The following XRN1 variants were observed in gnomAD, a reference collection of about 807,000 sequenced individuals.
XRN1 encodes strand-exchange protein 1 homolog.
XRN1 carries 67 observed loss-of-function variants against 222.3 expected under a neutral mutation model. That is an observed-to-expected ratio of 0.30 (90% CI 0.25 to 0.37). The LOEUF is 0.37. Ranked by LOEUF, XRN1 falls within the 10% of genes least tolerant of loss-of-function variation. XRN1 has a pLI of 1.00. For missense variants in XRN1, 1,707 were observed against 2,000.2 expected (o/e 0.85, Z 2.80); for synonymous variants, 643 against 652.4 (o/e 0.99, Z 0.22).
chr3:142,414,738 G>A (rs1287137906), intron 13 of XRN1, among the ~76,000 whole-genome samples: 5 of 152,040 alleles, frequency 3.3e-5, no homozygotes, highest in East Asian at 1.9e-4. Flanking sequence ...CTCGTGATCC[G>A]CCCGCCTCGG....
chr3:142,381,562 GCTTT>G (rs1173636653), intron 22 of XRN1, among the ~76,000 whole-genome samples: 1 of 97,264 alleles, frequency 1.0e-5, no homozygotes, highest in Non-Finnish European at 2.1e-5. Context: ...TTAAGTTATT[GCTTT>G]TTTTTTTTTT....
At chr3:142,376,818 G>A (rs2067157286) in intron 23 of XRN1, among the ~76,000 whole-genome samples, 1 of 152,072 alleles carries the variant, frequency 6.6e-6, no homozygotes. Flanking sequence ...AATTCCCAAG[G>A]ATGGATAAAA....
At chr3:142,371,163 T>C (rs1475791366) in intron 26 of XRN1, 76 bp downstream of exon 26, 1 of 1,216,792 alleles carries the variant, frequency 8.2e-7, no homozygotes, top group Non-Finnish European at 1.2e-6. Flanking sequence ...ATGAAATTCT[T>C]GAGAAACCAG....
chr3:142,432,113 TATATAA>T (rs1406751225), intron 2 of XRN1, among the ~76,000 whole-genome samples: 1 of 111,900 alleles, frequency 8.9e-6, no homozygotes, highest in African/African-American at 3.7e-5. Flanking sequence ...TATATATAAA[TATATAA>T]ATATATTTTC....
chr3:142,371,185 A>T, intron 26 of XRN1, 54 bp downstream of exon 26: 1 of 1,427,550 alleles, frequency 7.0e-7, no homozygotes, highest in Non-Finnish European at 9.7e-7. Context: ...TGCAGTTGTC[A>T]TTGAAAACAC....
intron 29 of XRN1, among the ~76,000 whole-genome samples, chr3:142,360,999 G>A (rs2066613030): frequency 6.6e-6 from 1 of 151,714 alleles, no homozygotes; most frequent in Non-Finnish European, 1.5e-5. Flanking sequence ...TAACCATAAA[G>A]CCATGATAAA....
At chr3:142,435,681 T>C (rs1229435117) in intron 1 of XRN1, among the ~76,000 whole-genome samples, 2 of 143,122 alleles carry the variant, frequency 1.4e-5, no homozygotes, top group African/African-American at 5.3e-5. Context: ...CGCTTGCACC[T>C]GGGAGGTGGA....
In XRN1 at chr3:142,357,117, C is replaced by T; in HGVS notation, c.3467G>A (p.Cys1156Tyr). ...EEFPGGLTIR[C>Y]SPGRGYRLPT... ...CAGTCGATAACCTCTACCAGGTGAG[C>T]ATCTAAAAGTAAAAGTTATATCAGG... Residue 1156 changes from cysteine to tyrosine, a missense_variant and splice_region_variant, in exon 31 of 41, where the codon TGC (cysteine) becomes TAC (tyrosine). Physicochemically the swap from Cys to Tyr is radical, Grantham distance 194 (BLOSUM62 -2). Coordinates refer to ENST00000392981, the MANE Select transcript of XRN1 (RefSeq NM_001282857.2). 6.2e-7 allele frequency: 1 copy of T among 1,605,662 alleles called. No individual in the cohort carries two copies. The highest frequency in any genetic ancestry group is 8.5e-7 in the Non-Finnish European group (1 of 1,175,618).
At chr3:142,412,448 C>T (rs766827525) in intron 15 of XRN1, 96 bp downstream of exon 15, 1 of 1,370,384 alleles carries the variant, frequency 7.3e-7, no homozygotes, top group Non-Finnish European at 9.5e-7. Context: ...ATTAACAAAA[C>T]ATAAATGGTG....
At chr3:142,333,774 A>G (rs1485393) in intron 34 of XRN1, among the ~76,000 whole-genome samples, 59,755 of 151,982 alleles carry the variant, frequency 0.39, 11,741 homozygotes, top group Middle Eastern at 0.48. Flanking sequence ...TCTCTCCATC[A>G]TGTTAGAATA....
At chr3:142,375,735 G>C in intron 25 of XRN1, 63 bp downstream of exon 25, 4 of 1,454,082 alleles carry the variant, frequency 2.8e-6, no homozygotes, top group South Asian at 1.4e-5. Context: ...TATCAGGAAG[G>C]CAAAATAAAC....
At chr3:142,427,123 A>C (rs1358726871) in intron 2 of XRN1, among the ~76,000 whole-genome samples, 1 of 152,128 alleles carries the variant, frequency 6.6e-6, no homozygotes, top group Non-Finnish European at 1.5e-5. Flanking sequence ...TGAGTCTAGG[A>C]GTTCAAGACC....
Position 142,447,838 on chromosome 3 carries a change from GC to G in XRN1, c.75+31del, listed in dbSNP as rs762529262. 1 of 1,611,994 alleles carries G rather than the reference GC, an allele frequency of 6.2e-7. No individual in the cohort carries two copies. Among genetic ancestry groups the G allele is most frequent in the Non-Finnish European group, 8.5e-7 (1 of 1,179,426 alleles). On this transcript the variant is annotated intron_variant, in intron 1 of 40. Transcript: ENST00000392981. This position sits in a 1 kb window ranked among gnomAD's most constrained non-coding sequence, Gnocchi z 4.2. ...AGGGCCGCGGAGCCCCGGGTCCTCG[GC>G]TTTCTGAGCCGTTGCCCCTCGCTCA...
intron 36 of XRN1, among the ~76,000 whole-genome samples, chr3:142,332,090 A>G (rs2065714848): frequency 6.6e-6 from 1 of 152,068 alleles, no homozygotes; most frequent in South Asian, 2.1e-4. Flanking sequence ...TTATTATATA[A>G]CTGAAACAAA....
chr3:142,376,176 T>C, intron 24 of XRN1: 1 of 743,464 alleles, frequency 1.3e-6, no homozygotes, highest in Non-Finnish European at 2.0e-6. Context: ...AAATAAATTA[T>C]GTAATTATAG....
chr3:142,431,244 A>T (rs541900705), intron 2 of XRN1, among the ~76,000 whole-genome samples: 1 of 152,346 alleles, frequency 6.6e-6, no homozygotes, highest in African/African-American at 2.4e-5. Flanking sequence ...CAAAAGTGTG[A>T]CTTTATAAGC....
At position 142,306,732 on chromosome 3, in the gene XRN1, T is replaced by C. The variant is rs2064972917; in HGVS notation, c.*4779A>G. 1 of 152,648 alleles carries C rather than the reference T, an allele frequency of 6.6e-6. No individual in the cohort carries two copies. The allele number at this position is 152,648 out of a possible 1,614,324, so 9.5% of individuals were successfully genotyped here. A position where few individuals can be genotyped will look rare whatever the true frequency, so the allele number is the denominator to read the frequency against. On this transcript the variant is annotated 3_prime_UTR_variant, in exon 41 of 41. Transcript: ENST00000392981. ...GCACAGCATCGTGAGGCTAACTTCA[T>C]GCTAGAAATCTACGGATAACGTAAC... is the stretch of plus-strand genomic sequence containing the variant.
At chr3:142,334,960 C>T (rs986435658) in intron 34 of XRN1, among the ~76,000 whole-genome samples, 11 of 104,382 alleles carry the variant, frequency 1.1e-4, no homozygotes, top group Middle Eastern at 4.5e-3. Context: ...CTCAGCCTCC[C>T]GAGTAACTGG....
intron 14 of XRN1, among the ~76,000 whole-genome samples, chr3:142,412,970 C>T (rs1263079005): frequency 6.6e-6 from 1 of 152,066 alleles, no homozygotes; most frequent in East Asian, 1.9e-4. Context: ...AGACACACAG[C>T]TAAATTGTTT....
Sources: allele counts gnomAD v4.1 joint callset (sites outside exome capture counted in the v4.1 genomes callset), GRCh38; gene constraint gnomAD v4.1.1; non-coding constraint Gnocchi (gnomAD v3.1); transcripts MANE v1.5; gene names NCBI Gene and HGNC (gene_info 2026-07-23, HGNC 2026-07-21).